The following GNG2 variants were observed in gnomAD, a reference collection of about 807,000 sequenced individuals.
GNG2 encodes the protein G protein subunit gamma 2.
In GNG2, 5 loss-of-function variants were observed where a neutral mutation model predicts 5.5. That is an observed-to-expected ratio of 0.91 (90% confidence interval 0.48 to 1.92). The LOEUF (loss-of-function observed/expected upper bound fraction) is 1.92, where lower values mean the gene tolerates loss of function less well. Among genes scored for constraint, GNG2 ranks in the 30% most tolerant of loss-of-function variants. The pLI is 0.01. For synonymous variants in GNG2, 28 were observed against 32.0 expected, an observed-to-expected ratio of 0.88 and a Z score of 0.42; for missense variants, 55 against 88.4, an observed-to-expected ratio of 0.62 and a Z score of 1.52.
At chr14:51,908,350 A>G (rs181171182) in intron 2 of GNG2, among the ~76,000 whole-genome samples, 42 of 152,300 alleles carry the variant, frequency 2.8e-4, no homozygotes, top group Admixed American at 2.6e-3. Flanking sequence ...TGTTGGTCAC[A>G]CAGGATGTGA....
At chr14:51,850,761 G>A (rs1450230984) in intron 2 of GNG2, among the ~76,000 whole-genome samples, 1 of 152,152 alleles carries the variant, frequency 6.6e-6, no homozygotes, top group Non-Finnish European at 1.5e-5. Flanking sequence ...GAGGGTTCAG[G>A]CACATCACAT....
At chr14:51,868,744 T>C (rs1274193490) in intron 1 of GNG2, among the ~76,000 whole-genome samples, 1 of 152,242 alleles carries the variant, frequency 6.6e-6, no homozygotes, top group Non-Finnish European at 1.5e-5. Flanking sequence ...ACTATGTCTT[T>C]TTCCCTACAG....
At chr14:51,832,235 G>T (rs994448601) in intron 2 of GNG2, among the ~76,000 whole-genome samples, 24 of 151,562 alleles carry the variant, frequency 1.6e-4, no homozygotes, top group African/African-American at 4.6e-4. Context: ...AGCCATGATT[G>T]TGCCACTGAC....
At chr14:51,830,962 T>C (rs1441398543) in intron 2 of GNG2, among the ~76,000 whole-genome samples, 2 of 152,196 alleles carry the variant, frequency 1.3e-5, no homozygotes, top group Non-Finnish European at 2.9e-5. Context: ...ACCCTATTTG[T>C]CTCCAACCTT....
At chr14:51,922,620 C>T (rs1177643830) in intron 2 of GNG2, among the ~76,000 whole-genome samples, 1 of 152,174 alleles carries the variant, frequency 6.6e-6, no homozygotes, top group Non-Finnish European at 1.5e-5. Flanking sequence ...TCCTTTGTCC[C>T]TAGCCTATCT....
rs929160523 is a variant in GNG2, at chr14:51,951,876, G to C, written c.87+1111G>C. 1.4e-5 allele frequency: 10 copies of C among 701,948 alleles called. No homozygotes were observed. The Admixed American group carries it at 1.8e-4, about 13-fold the overall frequency. The allele number at this position is 701,948 out of a possible 1,614,324, so 43.5% of individuals were successfully genotyped here. A position where few individuals can be genotyped will look rare whatever the true frequency, so the allele number is the denominator to read the frequency against. On this transcript the variant is annotated intron_variant, in intron 3 of 3. Transcript: ENST00000556766. The stretch of plus-strand genomic sequence containing the variant: ...ACAAAGCTAAAATATTTATTCTCTG[G>C]TGTTTCACAGGAAGTTCACTGACCC...
intron 2 of GNG2, among the ~76,000 whole-genome samples, chr14:51,881,533 G>A (rs1221203736): frequency 6.6e-6 from 1 of 152,138 alleles, no homozygotes; most frequent in Non-Finnish European, 1.5e-5. Flanking sequence ...TGAGAAATCA[G>A]GGAAGCTGAA....
chr14:51,863,542 C>T (rs1244932484), intron 1 of GNG2, among the ~76,000 whole-genome samples: 1 of 152,150 alleles, frequency 6.6e-6, no homozygotes, highest in Non-Finnish European at 1.5e-5. Flanking sequence ...CATAACATAA[C>T]ATTTCCCATT....
chr14:51,950,872 C>A (rs1888937191), intron 3 of GNG2, 107 bp downstream of exon 3: 5 of 541,880 alleles, frequency 9.2e-6, no homozygotes, highest in Non-Finnish European at 1.6e-5. Context: ...AGGAGAGCAT[C>A]TTAAAGATTA....
chr14:51,916,481 T>C (rs1010217287), intron 2 of GNG2: 1 of 451,464 alleles, frequency 2.2e-6, no homozygotes, highest in Non-Finnish European at 4.4e-6. Flanking sequence ...CATCTCAAAG[T>C]GCTAAAAATT....
At chr14:51,859,753 C>G (rs539816296), upstream of GNG2, among the ~76,000 whole-genome samples, 3 of 152,248 alleles carry the variant, frequency 2.0e-5, no homozygotes, top group East Asian at 5.8e-4. Flanking sequence ...TACGATATTA[C>G]CTCCTAAGAT....
At chr14:51,829,074 G>A (rs114465577) in intron 2 of GNG2, among the ~76,000 whole-genome samples, 2,102 of 152,318 alleles carry the variant, frequency 0.014, 45 homozygotes, top group African/African-American at 0.044. Context: ...CAAAGGCACT[G>A]ATAGGTAGAA....
In GNG2 at chr14:51,911,978, C is replaced by T. The variant is rs1228882238; in HGVS notation, c.-30+34321C>T. The stretch of plus-strand genomic sequence containing the variant: ...AAAGTATAGCTAATAGTGTCAGGCA[C>T]TGTTCTAGGTACTTTACATATATTA... On this transcript the variant is annotated intron_variant, in intron 2 of 3. Coordinates refer to ENST00000556766, the MANE Select transcript of GNG2 (RefSeq NM_053064.5). Among the ~76,000 whole-genome samples the T allele has an allele frequency of 1.3e-5, 2 of 148,216 alleles. 1 individual carries two copies. Among genetic ancestry groups the T allele is most frequent in the African/African-American group, 5.1e-5 (2 of 39,466 alleles).
At chr14:51,935,709 G>A (rs1195300786) in intron 2 of GNG2, among the ~76,000 whole-genome samples, 1 of 151,346 alleles carries the variant, frequency 6.6e-6, no homozygotes, top group Non-Finnish European at 1.5e-5. Context: ...GGTTTAATTG[G>A]CTCACAGTTC....
At chr14:51,926,920 A>G (rs1477466446) in intron 2 of GNG2, among the ~76,000 whole-genome samples, 1 of 152,212 alleles carries the variant, frequency 6.6e-6, no homozygotes, top group African/African-American at 2.4e-5. Flanking sequence ...CGCCATTAGC[A>G]GTTCCATTTG....
chr14:51,901,271 A>T (rs1352194539), intron 2 of GNG2, among the ~76,000 whole-genome samples: 1 of 151,848 alleles, frequency 6.6e-6, no homozygotes, highest in Non-Finnish European at 1.5e-5. Flanking sequence ...CCAGAGCCTC[A>T]ACCTCCCAGG....
rs1566723443 is a variant in GNG2, at chr14:51,968,369, A to ATTTT, written c.*1682_*1683insTTTT. 1 of 121,886 alleles carries ATTTT rather than the reference A, an allele frequency of 8.2e-6. No individual in the cohort carries two copies. Among genetic ancestry groups the ATTTT allele is most frequent in the African/African-American group, 3.4e-5 (1 of 29,346 alleles). The allele number at this position is 121,886 out of a possible 1,614,324, so 7.6% of individuals were successfully genotyped here. ...TTCGCTTTCTCCTGTTTTTTTTTTA[A>ATTTT]AAAAAAAGCATGAAAAAGGAAGAGA... On this transcript the variant is annotated 3_prime_UTR_variant, in exon 4 of 4. Coordinates refer to ENST00000556766, the MANE Select transcript of GNG2 (RefSeq NM_053064.5).
intron 2 of GNG2, chr14:51,827,948 C>T (rs1229974048): frequency 5.1e-6 from 3 of 586,866 alleles, no homozygotes; most frequent in African/African-American, 3.8e-5. Context: ...GAGCATAAAG[C>T]TGCGGAAGAT....
chr14:51,926,560 T>G (rs1254564026), intron 2 of GNG2, among the ~76,000 whole-genome samples: 1 of 152,150 alleles, frequency 6.6e-6, no homozygotes, highest in Non-Finnish European at 1.5e-5. Flanking sequence ...TGCCTTCTCA[T>G]GTTGAGACAG....
Sources: gnomAD v4.1 joint callset for allele counts (sites outside exome capture counted in the v4.1 genomes callset) on GRCh38, gnomAD v4.1.1 for gene constraint, MANE v1.5 for transcripts, NCBI Gene and HGNC (gene_info 2026-07-23, HGNC 2026-07-21) for gene names.